Variants in PDE4D observed in about 807,000 individuals in gnomAD.
PDE4D encodes phosphodiesterase 4D.
A neutral mutation model predicts 87.4 loss-of-function variants in PDE4D; 24 were observed. That is an observed-to-expected ratio of 0.27 (90% CI 0.20 to 0.39). The LOEUF is 0.39. Among genes scored for constraint, PDE4D ranks in the 10% least tolerant of loss-of-function variants. The pLI is 1.00. For synonymous variants in PDE4D, 384 were observed against 383.2 expected, an observed-to-expected ratio of 1.00 and a Z score of -0.02; for missense variants, 714 against 1,041.0, an observed-to-expected ratio of 0.69 and a Z score of 4.32.
intron 1 of PDE4D, among the ~76,000 whole-genome samples, chr5:59,220,284 C>T (rs1051420152): frequency 1.1e-4 from 16 of 146,380 alleles, no homozygotes; most frequent in African/African-American, 1.5e-4. Flanking sequence ...TAGAGGCACA[C>T]GTGGGAGGAT....
chr5:59,415,970 G>A (rs758521414), intron 1 of PDE4D, among the ~76,000 whole-genome samples: 5 of 152,158 alleles, frequency 3.3e-5, no homozygotes, highest in Non-Finnish European at 5.9e-5. Flanking sequence ...GATGAGTGAC[G>A]TAGTTAATGG....
In PDE4D at chr5:59,130,494, C is replaced by T. The variant is rs1188250900; in HGVS notation, c.808+50101G>A. Among the ~76,000 whole-genome samples the T allele has an allele frequency of 8.3e-4, 127 of 152,180 alleles. 1 individual carries two copies. Among genetic ancestry groups the T allele is most frequent in the Non-Finnish European group, 1.3e-4 (9 of 68,036 alleles). ...ATTTATCAAAATAAAAATGCTTTCTCCTTTGCAGGAATCCATAAATAACAT... is the reference window on the plus strand; with the variant it reads ...ATTTATCAAAATAAAAATGCTTTCTTCTTTGCAGGAATCCATAAATAACAT... On this transcript the variant is annotated intron_variant, in intron 5 of 14. Coordinates refer to ENST00000340635, the MANE Select transcript of PDE4D (RefSeq NM_001104631.2).
chr5:60,066,151 A>C (rs978918713), intron 2 of PDE4D, among the ~76,000 whole-genome samples: 24 of 152,028 alleles, frequency 1.6e-4, no homozygotes, highest in Non-Finnish European at 3.2e-4. Flanking sequence ...ATGGTATCTC[A>C]TTGTGGTTTT....
At chr5:60,073,496 T>TG (rs1176103240) in intron 2 of PDE4D, among the ~76,000 whole-genome samples, 4 of 151,256 alleles carry the variant, frequency 2.6e-5, no homozygotes, top group African/African-American at 9.7e-5. Context: ...CCAGGTGTTT[T>TG]TTTTTTTTTT....
chr5:60,452,263 TTAAG>T (rs1218353330), intron 1 of PDE4D, among the ~76,000 whole-genome samples: 4 of 152,102 alleles, frequency 2.6e-5, no homozygotes, highest in Non-Finnish European at 5.9e-5. Flanking sequence ...TTCAACTAAT[TTAAG>T]TGTCATCTCA....
intron 1 of PDE4D, among the ~76,000 whole-genome samples, chr5:59,550,494 A>G (rs1283530185): frequency 2.6e-5 from 4 of 152,196 alleles, no homozygotes; most frequent in African/African-American, 9.6e-5. Context: ...TCCTGACTTT[A>G]GTCAATACGC....
At chr5:59,675,186 A>AACAGCAATTTT (rs1554058332) in intron 1 of PDE4D, among the ~76,000 whole-genome samples, 1 of 151,488 alleles carries the variant, frequency 6.6e-6, no homozygotes, top group East Asian at 1.9e-4. Context: ...TGTGATTCAA[A>AACAGCAATTTT]TCTATAATAC....
At chr5:60,439,081 C>T (rs1260874607) in intron 1 of PDE4D, among the ~76,000 whole-genome samples, 1 of 152,014 alleles carries the variant, frequency 6.6e-6, no homozygotes, top group Non-Finnish European at 1.5e-5. Context: ...CACCGTGTGG[C>T]CTTTAAAAAG....
intron 5 of PDE4D, among the ~76,000 whole-genome samples, chr5:59,081,602 T>C (rs954995047): frequency 1.3e-5 from 2 of 152,064 alleles, no homozygotes; most frequent in African/African-American, 2.4e-5. Flanking sequence ...TCTCTACCTT[T>C]GTCCATATGG....
chr5:59,137,680 C>A (rs1258916659), intron 5 of PDE4D, among the ~76,000 whole-genome samples: 2 of 152,112 alleles, frequency 1.3e-5, no homozygotes, highest in South Asian at 4.1e-4. Context: ...GCGCCCGCCA[C>A]CACGCGTGGC....
At chr5:59,212,824 C>T (rs1281768822) in intron 2 of PDE4D, among the ~76,000 whole-genome samples, 2 of 151,920 alleles carry the variant, frequency 1.3e-5, no homozygotes, top group South Asian at 2.1e-4. Context: ...TTCTGTCATT[C>T]GCCTATTTAA....
intron 1 of PDE4D, among the ~76,000 whole-genome samples, chr5:60,423,709 G>A (rs1336412965): frequency 6.6e-6 from 1 of 151,206 alleles, no homozygotes; most frequent in Non-Finnish European, 1.5e-5. Flanking sequence ...GAGAACTGAA[G>A]GAGATAGAGA....
At chr5:59,792,438 G>GTGTGTGTGTGTT (rs1491110404) in intron 1 of PDE4D, among the ~76,000 whole-genome samples, 5 of 148,984 alleles carry the variant, frequency 3.4e-5, no homozygotes, top group African/African-American at 1.2e-4. Context: ...GTGTGTGTGT[G>GTGTGTGTGTGTT]TTTTGAGGAA....
intron 6 of PDE4D, among the ~76,000 whole-genome samples, chr5:59,030,439 A>C (rs1461839353): frequency 2.6e-5 from 4 of 150,966 alleles, no homozygotes; most frequent in Non-Finnish European, 5.9e-5. Flanking sequence ...AAAAAAAAAA[A>C]AAAAAAACAA....
intron 2 of PDE4D, among the ~76,000 whole-genome samples, chr5:60,090,529 C>T (rs1051295804): frequency 1.3e-5 from 2 of 152,022 alleles, no homozygotes; most frequent in Non-Finnish European, 1.5e-5. Flanking sequence ...AAATATACCT[C>T]GAAACAATAA....
chr5:60,418,695 T>G (rs189727930), intron 1 of PDE4D, among the ~76,000 whole-genome samples: 2 of 151,940 alleles, frequency 1.3e-5, no homozygotes, highest in Non-Finnish European at 2.9e-5. Context: ...GAGAATGGAG[T>G]ATCCATTCCC....
At position 59,798,254 on chromosome 5, in the gene PDE4D, CTGTGTGTGTGTGTGTGTG is replaced by C. The variant is rs72009917; in HGVS notation, c.455+94896_455+94913del. Among the ~76,000 whole-genome samples the C allele has an allele frequency of 3.3e-4, 48 of 143,850 alleles. 1 individual carries two copies. Among genetic ancestry groups the C allele is most frequent in the Admixed American group, 1.4e-4 (2 of 14,398 alleles). The allele number at this position is 143,850 out of a possible 152,430, so 94.4% of individuals were successfully genotyped here. ...TCTCTCTCTCTCTATATATAAATGC[CTGTGTGTGTGTGTGTGTG>C]TGTGTGTGTGTGTGTGTGTGTGTGT... On this transcript the variant is annotated intron_variant, in intron 1 of 14. Coordinates refer to ENST00000340635, the MANE Select transcript of PDE4D (RefSeq NM_001104631.2).
intron 2 of PDE4D, among the ~76,000 whole-genome samples, chr5:60,018,344 C>A (rs1268380891): frequency 6.6e-6 from 1 of 152,052 alleles, no homozygotes; most frequent in Non-Finnish European, 1.5e-5. Context: ...CTGAAGGAAG[C>A]ACTATGTAAA....
intron 1 of PDE4D, among the ~76,000 whole-genome samples, chr5:59,367,192 A>G (rs561441887): frequency 6.6e-6 from 1 of 152,352 alleles, no homozygotes; most frequent in East Asian, 1.9e-4. Context: ...TACAGCTATA[A>G]GTAGCAGAAA....
Sources: allele counts gnomAD v4.1 joint callset (sites outside exome capture counted in the v4.1 genomes callset), GRCh38; gene constraint gnomAD v4.1.1; transcripts MANE v1.5; gene names NCBI Gene and HGNC (gene_info 2026-07-23, HGNC 2026-07-21).